The following PIWIL3 variants were observed in gnomAD, a reference collection of about 807,000 sequenced individuals.
PIWIL3 encodes piwi like RNA-mediated gene silencing 3, also known as piwi-like protein 3.
PIWIL3 carries 101 observed loss-of-function variants against 109.7 expected under a neutral mutation model. The ratio of observed to expected loss-of-function variants is 0.92; its 90% CI spans 0.78 to 1.09. The LOEUF is 1.09. Ranked by LOEUF, PIWIL3 falls within the 50% of genes least tolerant of loss-of-function variation. The pLI, the probability that PIWIL3 is intolerant of heterozygous loss-of-function variation, is 0.00. For synonymous variants in PIWIL3, 373 were observed against 376.4 expected (o/e 0.99, Z 0.10); for missense variants, 1,031 against 1,072.6 (o/e 0.96, Z 0.54).
intron 3 of PIWIL3, 132 bp from the exon 4 acceptor site, chr22:24,758,171 T>C: frequency 1.8e-6 from 2 of 1,100,874 alleles, no homozygotes; most frequent in East Asian, 5.0e-5. Context: ...ATTTCCGTGA[T>C]ATGTTGCCGC....
At chr22:24,767,747 A>G (rs917505796) in intron 1 of PIWIL3, among the ~76,000 whole-genome samples, 3 of 152,246 alleles carry the variant, frequency 2.0e-5, no homozygotes, top group African/African-American at 4.8e-5. Context: ...ATTAAATCAC[A>G]GATCCAGGAA....
intron 12 of PIWIL3, among the ~76,000 whole-genome samples, chr22:24,737,155 G>A (rs1222461682): frequency 1.3e-5 from 2 of 152,204 alleles, no homozygotes; most frequent in Non-Finnish European, 2.9e-5. Flanking sequence ...CTCAATGGCA[G>A]CACAGCTCAA....
intron 1 of PIWIL3, among the ~76,000 whole-genome samples, chr22:24,763,988 G>C (rs574110021): frequency 6.6e-6 from 1 of 152,312 alleles, no homozygotes; most frequent in Admixed American, 6.5e-5. Flanking sequence ...GAGGCGCAAA[G>C]CCCCTTTTCC....
intron 14 of PIWIL3, among the ~76,000 whole-genome samples, chr22:24,732,378 A>T (rs1923404465): frequency 6.6e-6 from 1 of 152,194 alleles, no homozygotes; most frequent in Non-Finnish European, 1.5e-5. Context: ...CCCCCATGCC[A>T]TCTGACATAA....
Position 24,753,732 on chromosome 22 carries a change from A to G in PIWIL3, c.977+282T>C, listed in dbSNP as rs146667698. On this transcript the variant is annotated intron_variant, in intron 8 of 20. Coordinates refer to ENST00000616349, the MANE Select transcript of PIWIL3 (RefSeq NM_001255975.1). The stretch of plus-strand genomic sequence containing the variant: ...ATTTTTAAACCAGCTAAATGCCCAC[A>G]AAAGAGCAAAAGGAAAGAAATTCAG... Among the ~76,000 whole-genome samples the G allele has an allele frequency of 2.5e-3, 388 of 152,364 alleles. 1 individual carries two copies. Among genetic ancestry groups the G allele is most frequent in the Non-Finnish European group, 4.2e-3 (284 of 68,028 alleles).
Position 24,755,866 on chromosome 22 carries a change from C to A in PIWIL3, c.610G>T (p.Val204Leu), listed in dbSNP as rs147281620. Residue 204 changes from valine (V) to leucine (L), a missense_variant, in exon 6 of 21, where the codon GTG becomes TTG. Val to Leu is a conservative substitution (Grantham distance 32). Coordinates refer to ENST00000616349, the MANE Select transcript of PIWIL3 (RefSeq NM_001255975.1). Reference protein sequence around the residue: ...WLSTTKDKNIVKITVEFSKEL... With the variant: ...WLSTTKDKNILKITVEFSKEL... ...TTGGAAAACTCAACTGTAATCTTCA[C>A]GATGTTTTTGTCTTTGGTTGTGCTC... is the stretch of plus-strand genomic sequence containing the variant. 2 of 1,613,652 alleles carry A rather than the reference C, an allele frequency of 1.2e-6. No individual in the cohort carries two copies. The highest frequency in any genetic ancestry group is 3.3e-5 in the Admixed American group (2 of 59,984).
rs369051603 is a variant in PIWIL3 at position 24,744,208 on chromosome 22, C to T, written c.1449+4699G>A. Among the ~76,000 whole-genome samples, 4 of 32,836 alleles carry T rather than the reference C, an allele frequency of 1.2e-4. No homozygotes were observed. In the South Asian group the frequency reaches 4.3e-3, roughly 36 times the overall value. 21.5% of individuals were successfully genotyped at this position (32,836 alleles called of 152,430 possible). On this transcript the variant is annotated intron_variant, in intron 12 of 20. Transcript: ENST00000616349. Reference sequence around the variant, plus strand: ...AAAAAAAAAAAAAAAAAAAAAAAAACAATGATCTGCTGCCTGCAAAAAACA... The same window carrying T: ...AAAAAAAAAAAAAAAAAAAAAAAAATAATGATCTGCTGCCTGCAAAAAACA...
At chr22:24,765,297 C>T (rs1286478861) in intron 1 of PIWIL3, among the ~76,000 whole-genome samples, 2 of 152,018 alleles carry the variant, frequency 1.3e-5, no homozygotes, top group East Asian at 3.9e-4. Context: ...AAACTCCCTC[C>T]CCTCTCCCCC....
intron 14 of PIWIL3, among the ~76,000 whole-genome samples, chr22:24,733,142 G>T (rs1923452939): frequency 6.6e-6 from 1 of 152,118 alleles, no homozygotes; most frequent in African/African-American, 2.4e-5. Context: ...GGGTTCCCTA[G>T]GGGCAATTAA....
chr22:24,751,613 TA>T, intron 8 of PIWIL3, 115 bp from the exon 9 acceptor site: 6 of 1,482,274 alleles, frequency 4.0e-6, no homozygotes, highest in Non-Finnish European at 5.4e-6. Context: ...TAGATTTACT[TA>T]AGATGTAATT....
intron 9 of PIWIL3, among the ~76,000 whole-genome samples, chr22:24,751,071 T>G (rs975039379): frequency 1.3e-5 from 2 of 150,228 alleles, no homozygotes; most frequent in African/African-American, 4.9e-5. Flanking sequence ...TTGCAATGAG[T>G]AGAGATCATG....
rs1569093250 is a variant in PIWIL3, at chr22:24,719,787, A to G, written c.2466T>C (p.Arg822=). The change falls in exon 20 of 21, where the codon CGT becomes CGC. Residue 822 remains arginine, a synonymous_variant. Transcript: ENST00000616349. ...ACATGTGGCATAGACAATATGTTAA[A>G]CGCTGTACTGTATCTGGGCTCAAGC... ...TIGLSPDTVQ[R]LTYCLCHMYY... is the part of the protein sequence containing the mutation. 6.2e-7 allele frequency: 1 copy of G among 1,613,446 alleles called. No individual in the cohort carries two copies.
intron 8 of PIWIL3, among the ~76,000 whole-genome samples, chr22:24,753,440 C>G (rs941406121): frequency 6.6e-6 from 1 of 152,254 alleles, no homozygotes; most frequent in Middle Eastern, 3.4e-3. Context: ...AGTCAGCTGA[C>G]GAAGTGGAGG....
intron 18 of PIWIL3, among the ~76,000 whole-genome samples, chr22:24,724,103 T>C (rs1452512611): frequency 1.3e-5 from 2 of 152,146 alleles, no homozygotes; most frequent in African/African-American, 4.8e-5. Flanking sequence ...CCAATTCTGC[T>C]TTGCATTCTG....
chr22:24,737,881 C>T (rs1057480466), intron 12 of PIWIL3, among the ~76,000 whole-genome samples: 1 of 152,108 alleles, frequency 6.6e-6, no homozygotes, highest in Admixed American at 6.5e-5. Flanking sequence ...GAGAAGGGGG[C>T]CGGGCGCGGT....
rs1171027910 is a variant in PIWIL3 at position 24,735,736 on chromosome 22, T to C, written c.1606A>G (p.Met536Val). 2.5e-6 allele frequency: 4 copies of C among 1,607,474 alleles called. No individual in the cohort carries two copies. Among genetic ancestry groups the C allele is most frequent in the Non-Finnish European group, 3.4e-6 (4 of 1,178,538 alleles). The stretch of plus-strand genomic sequence containing the variant: ...TCTGCTGGTTTCATAGTTATGCCCA[T>C]GGGGGCTGTGACACTCTGTAGATGA... ...KGHLQSVTAP[M>V]GITMKPAEMI... The change falls in exon 13 of 21, where the codon ATG (methionine) becomes GTG (valine). Residue 536 changes from methionine to valine, a missense_variant. Coordinates refer to ENST00000616349, the MANE Select transcript of PIWIL3 (RefSeq NM_001255975.1).
Position 24,723,597 on chromosome 22 carries a change from T to C in PIWIL3, c.2232-342A>G, listed in dbSNP as rs144644848. 2.6e-3 allele frequency among the ~76,000 whole-genome samples: 402 copies of C among 152,336 alleles called. 4 individuals are homozygous for C. Among genetic ancestry groups the C allele is most frequent in the Middle Eastern group, 0.01 (3 of 294 alleles). On this transcript the variant is annotated intron_variant, in intron 18 of 20. Transcript: ENST00000616349. Reference sequence around the variant, plus strand: ...CTTAGGGCTGGAGATCCCCACCAGCTGGCTCCTCCAGCCTGGAAACACACA... The same window carrying C: ...CTTAGGGCTGGAGATCCCCACCAGCCGGCTCCTCCAGCCTGGAAACACACA...
chr22:24,761,060 A>G (rs1227949576), intron 2 of PIWIL3, among the ~76,000 whole-genome samples: 1 of 152,086 alleles, frequency 6.6e-6, no homozygotes, highest in Admixed American at 6.6e-5. Context: ...GAAGAATGGA[A>G]GTCCTTCTGA....
chr22:24,751,526 T>C (rs1924710230), intron 8 of PIWIL3, 28 bp from the exon 9 acceptor site: 4 of 1,600,130 alleles, frequency 2.5e-6, no homozygotes, highest in Non-Finnish European at 3.4e-6. Flanking sequence ...TATGGTATTA[T>C]TTGACTTATT....
Sources: gnomAD v4.1 joint callset for allele counts (sites outside exome capture counted in the v4.1 genomes callset) on GRCh38, gnomAD v4.1.1 for gene constraint, MANE v1.5 for transcripts, NCBI Gene and HGNC (gene_info 2026-07-23, HGNC 2026-07-21) for gene names.